The following GRIP2 variants were observed in gnomAD, a reference collection of about 807,000 sequenced individuals.
GRIP2 encodes glutamate receptor interacting protein 2, also known as glutamate receptor-interacting protein 2.
A neutral mutation model predicts 108.3 loss-of-function variants in GRIP2; 58 were observed. The observed-to-expected ratio is 0.54, with a 90% CI of 0.43 to 0.67. The LOEUF (loss-of-function observed/expected upper bound fraction) is 0.67. GRIP2 is among the 30% of genes least tolerant of loss of function. The pLI is 0.00. For missense variants in GRIP2, 1,278 were observed against 1,430.6 expected (o/e 0.89, Z 1.72); for synonymous variants, 586 against 598.2 (o/e 0.98, Z 0.30).
In GRIP2 at chr3:14,554,342, C is replaced by T. The variant is rs140786737; in HGVS notation, c.55+1558G>A. Among the ~76,000 whole-genome samples the T allele has an allele frequency of 1.8e-4, 28 of 152,290 alleles. No homozygotes were observed. In the East Asian group the frequency reaches 2.9e-3, roughly 16 times the overall value. On this transcript the variant is annotated intron_variant, in intron 1 of 23. Coordinates refer to the GRIP2 transcript ENST00000637182. Reference sequence around the variant, plus strand: ...TAGGCTGCTCTCCAAATCCTGGGGACGCTCAAATCTGGAGCCAACCCAGGA... The same window carrying T: ...TAGGCTGCTCTCCAAATCCTGGGGATGCTCAAATCTGGAGCCAACCCAGGA...
At chr3:14,563,097 C>T in the GRIP2 span, among the ~76,000 whole-genome samples, 1 of 152,142 alleles carries the variant, frequency 6.6e-6, no homozygotes, top group Non-Finnish European at 1.5e-5. Context: ...AGGGACCTTA[C>T]TTGAATCCTG....
the GRIP2 span, among the ~76,000 whole-genome samples, chr3:14,582,405 C>T: frequency 6.6e-6 from 1 of 152,174 alleles, no homozygotes; most frequent in Non-Finnish European, 1.5e-5. Flanking sequence ...AGGCCACCCA[C>T]AAGATTTAGG....
chr3:14,576,345 G>C, the GRIP2 span, among the ~76,000 whole-genome samples: 1 of 152,236 alleles, frequency 6.6e-6, no homozygotes, highest in Non-Finnish European at 1.5e-5. Context: ...ATGGAGAACT[G>C]GGCCACAGAG....
the GRIP2 span, among the ~76,000 whole-genome samples, chr3:14,562,349 G>T: frequency 6.6e-6 from 1 of 152,060 alleles, no homozygotes; most frequent in Non-Finnish European, 1.5e-5. Flanking sequence ...CAGCTGGAGG[G>T]GTCTCCCACC....
At chr3:14,533,478 A>G (rs1266138593) in intron 1 of GRIP2, among the ~76,000 whole-genome samples, 1 of 152,216 alleles carries the variant, frequency 6.6e-6, no homozygotes, top group African/African-American at 2.4e-5. Context: ...AAGTTCACCA[A>G]ATTCAGAGCA....
intron 1 of GRIP2, chr3:14,530,889 T>C (rs2124941763): frequency 6.6e-6 from 1 of 152,370 alleles, no homozygotes; most frequent in South Asian, 2.1e-4. Context: ...TTTTTAGTTA[T>C]TTTTAAATGT....
At chr3:14,593,667 A>G in the GRIP2 span, among the ~76,000 whole-genome samples, 1 of 152,216 alleles carries the variant, frequency 6.6e-6, no homozygotes, top group Non-Finnish European at 1.5e-5. Flanking sequence ...GGTTGACAAC[A>G]TCCCTCATAC....
chr3:14,559,972 G>T (rs1194657664), upstream of GRIP2, among the ~76,000 whole-genome samples: 3 of 152,200 alleles, frequency 2.0e-5, no homozygotes, highest in Non-Finnish European at 4.4e-5. Context: ...GGCATCTGAG[G>T]ATGGGCTTGG....
rs1196889665 is a variant in GRIP2 at position 14,512,677 on chromosome 3, G to C, written c.1720+100C>G. 3.5e-6 allele frequency: 4 copies of C among 1,151,822 alleles called. No homozygotes were observed. Among genetic ancestry groups the C allele is most frequent in the Non-Finnish European group, 5.0e-6 (4 of 793,316 alleles). 71.4% of individuals were successfully genotyped at this position (1,151,822 alleles called of 1,614,324 possible). A position where few individuals can be genotyped will look rare whatever the true frequency, so the allele number is the denominator to read the frequency against. On this transcript the variant is annotated intron_variant, in intron 14 of 23. Transcript: ENST00000621039. The surrounding 1 kb of genome is among the most constrained non-coding windows in gnomAD (Gnocchi z 5.1). The stretch of plus-strand genomic sequence containing the variant: ...CAAGCCTTTTCCTCGGGCCCCGCAG[G>C]GTGTCACGCCATGGAAATGCTGGTC...
intron 1 of GRIP2, among the ~76,000 whole-genome samples, chr3:14,552,431 G>A (rs752764370): frequency 2.0e-5 from 3 of 152,144 alleles, no homozygotes; most frequent in African/African-American, 7.2e-5. Flanking sequence ...TACCTATGAC[G>A]TAATAGATGC....
In GRIP2 at chr3:14,503,652, G is replaced by A. The variant is rs896488438; in HGVS notation, c.2593C>T (p.Arg865Ter). 1.9e-6 allele frequency: 3 copies of A among 1,609,522 alleles called. No individual in the cohort carries two copies. The highest frequency in any genetic ancestry group is 2.5e-6 in the Non-Finnish European group (3 of 1,178,326). ...AACATGCGCCAGAAGCCCTCCTCTC[G>A]GGCAGGGCCAGGGGCTGGGCTGTAA... The part of the protein sequence containing the change: ...PPTSPAPGPA[R>*]EEGFWRMFGE... Residue 865 changes from arginine to a stop codon, truncating the protein, a stop_gained, in exon 21 of 24, where the codon CGA (arginine) becomes TGA (stop). Transcript: ENST00000621039. LOFTEE classifies it high-confidence loss of function.
At chr3:14,504,548 G>A (rs1693864873) in intron 20 of GRIP2, among the ~76,000 whole-genome samples, 1 of 152,108 alleles carries the variant, frequency 6.6e-6, no homozygotes, top group South Asian at 2.1e-4. Flanking sequence ...CCGACCTCGT[G>A]ATCTGCCCAC....
the GRIP2 span, among the ~76,000 whole-genome samples, chr3:14,568,035 C>T: frequency 1.3e-5 from 2 of 152,182 alleles, no homozygotes; most frequent in African/African-American, 2.4e-5. Flanking sequence ...GAGGCCAGGG[C>T]TGAAGCTGAG....
At chr3:14,506,647 C>G (rs1323704031) in intron 19 of GRIP2, among the ~76,000 whole-genome samples, 154 bp downstream of exon 19, 1 of 152,176 alleles carries the variant, frequency 6.6e-6, no homozygotes, top group Non-Finnish European at 1.5e-5. Flanking sequence ...GCTTACGGAG[C>G]CAAATCAGGT....
upstream of GRIP2, chr3:14,542,026 C>G: frequency 7.4e-7 from 1 of 1,353,472 alleles, no homozygotes; most frequent in African/African-American, 1.5e-5. Flanking sequence ...ATCCTCACCC[C>G]ACTCGCCTCC....
chr3:14,502,562 A>G (rs1386897021), intron 21 of GRIP2, among the ~76,000 whole-genome samples: 1 of 152,176 alleles, frequency 6.6e-6, no homozygotes, highest in Non-Finnish European at 1.5e-5. Flanking sequence ...ATAATCACTA[A>G]AATAAATTTA....
chr3:14,527,811 G>A (rs1391250110), intron 1 of GRIP2, among the ~76,000 whole-genome samples: 6 of 152,094 alleles, frequency 3.9e-5, no homozygotes, highest in Admixed American at 2.0e-4. Context: ...CCGGAGAATC[G>A]CTTGAACCCA....
chr3:14,524,149 G>C, intron 4 of GRIP2: 1 of 574,352 alleles, frequency 1.7e-6, no homozygotes. Context: ...CCCCGCTAAA[G>C]GAAAAGCATC....
chr3:14,587,660 AC>A, the GRIP2 span, among the ~76,000 whole-genome samples: 13 of 151,696 alleles, frequency 8.6e-5, no homozygotes, highest in African/African-American at 3.1e-4. Flanking sequence ...AAAAAACAAA[AC>A]AAAAAAAACC....
Sources: allele counts gnomAD v4.1 joint callset (sites outside exome capture counted in the v4.1 genomes callset), GRCh38; gene constraint gnomAD v4.1.1; non-coding constraint Gnocchi (gnomAD v3.1); transcripts MANE v1.5; gene names NCBI Gene and HGNC (gene_info 2026-07-23, HGNC 2026-07-21).